Variants in F13A1 observed in about 807,000 individuals in gnomAD.
F13A1 encodes the protein coagulation factor XIII A chain.
A neutral mutation model predicts 80.1 loss-of-function variants in F13A1; 47 were observed. That is an observed-to-expected ratio of 0.59 (90% confidence interval 0.46 to 0.75). F13A1 has a LOEUF of 0.75. F13A1 is among the 30% of genes least tolerant of loss of function. The pLI is 0.00. For missense variants in F13A1, 817 were observed against 930.4 expected, an observed-to-expected ratio of 0.88 and a Z score of 1.59; for synonymous variants, 349 against 344.9, an observed-to-expected ratio of 1.01 and a Z score of -0.13.
chr6:6,146,353 C>T (rs2151066808), intron 14 of F13A1, among the ~76,000 whole-genome samples: 1 of 152,306 alleles, frequency 6.6e-6, no homozygotes, highest in South Asian at 2.1e-4. Context: ...TTTCAACCAC[C>T]AAATTGGGCC....
At chr6:6,302,884 T>A (rs1043298141) in intron 3 of F13A1, among the ~76,000 whole-genome samples, 1 of 152,248 alleles carries the variant, frequency 6.6e-6, no homozygotes, top group Non-Finnish European at 1.5e-5. Flanking sequence ...TGTCAGAGTT[T>A]CCAGTTTTTA....
chr6:6,314,309 G>C (rs1758649667), intron 2 of F13A1, among the ~76,000 whole-genome samples: 1 of 152,038 alleles, frequency 6.6e-6, no homozygotes, highest in Non-Finnish European at 1.5e-5. Context: ...GCATAATTCT[G>C]ATTATGTATT....
chr6:6,271,230 T>C (rs1316672489), intron 3 of F13A1, among the ~76,000 whole-genome samples: 2 of 152,182 alleles, frequency 1.3e-5, no homozygotes, highest in African/African-American at 4.8e-5. Flanking sequence ...TAATTCTGAA[T>C]GTAATGATTT....
intron 8 of F13A1, among the ~76,000 whole-genome samples, chr6:6,208,642 T>C (rs1042014808): frequency 2.6e-5 from 4 of 152,076 alleles, no homozygotes; most frequent in African/African-American, 9.7e-5. Context: ...ATAGAGAATC[T>C]CTTTTTTACT....
Position 6,174,941 on chromosome 6 carries a change from C to T in F13A1, c.1460-74G>A, listed in dbSNP as rs3024444. 0.084 allele frequency: 130,078 copies of T among 1,551,770 alleles called. 5,954 individuals are homozygous for T. Among genetic ancestry groups the T allele is most frequent in the Middle Eastern group, 0.11 (622 of 5,714 alleles). On this transcript the variant is annotated intron_variant, in intron 11 of 14. Transcript: ENST00000264870. ...GAGAAAGTCACATTAATGGATGCACCGTGTACTGCACTTGTTGGGGTGTTT... is the reference window on the plus strand; with the variant it reads ...GAGAAAGTCACATTAATGGATGCACTGTGTACTGCACTTGTTGGGGTGTTT...
chr6:6,185,286 C>A (rs1448752346), intron 10 of F13A1, among the ~76,000 whole-genome samples: 1 of 125,604 alleles, frequency 8.0e-6, no homozygotes, highest in South Asian at 3.2e-4. Flanking sequence ...CCCCCTCCCC[C>A]CACCCCACAA....
At position 6,313,280 on chromosome 6, in the gene F13A1, C is replaced by CTTTTTTTTTTTTTTTTT. The variant is rs5874027; in HGVS notation, c.130+5238_130+5254dup. The stretch of plus-strand genomic sequence containing the variant: ...ATGGAACAGCTCATTGCTAAGCCGC[C>CTTTTTTTTTTTTTTTTT]TTTTTTTTTTTTTTTTTTTTAAATA... On this transcript the variant is annotated intron_variant, in intron 2 of 14. Transcript: ENST00000264870. 5.3e-3 allele frequency among the ~76,000 whole-genome samples: 675 copies of CTTTTTTTTTTTTTTTTT among 126,642 alleles called. 16 individuals carry two copies. The highest frequency in any genetic ancestry group is 0.02 in the African/African-American group (649 of 32,854). 83.1% of individuals were successfully genotyped at this position (126,642 alleles called of 152,430 possible).
intron 3 of F13A1, among the ~76,000 whole-genome samples, chr6:6,297,280 T>C (rs2113168479): frequency 6.6e-6 from 1 of 152,136 alleles, no homozygotes; most frequent in African/African-American, 2.4e-5. Context: ...TTAGGGAGGA[T>C]TCCCTCTTTT....
rs1476808313 is a variant in F13A1, at chr6:6,161,563, A to T, written c.1908+5895T>A. On this transcript the variant is annotated intron_variant, in intron 13 of 14. Coordinates refer to ENST00000264870, the MANE Select transcript of F13A1 (RefSeq NM_000129.4). Reference sequence around the variant, plus strand: ...GTGTGTGTGTGTGTGAGAGAGAGAGAGAGAGAGAGAGAGAGAACAAGCAAC... The same window carrying T: ...GTGTGTGTGTGTGTGAGAGAGAGAGTGAGAGAGAGAGAGAGAACAAGCAAC... 3.8e-4 allele frequency among the ~76,000 whole-genome samples: 45 copies of T among 118,372 alleles called. 1 individual carries two copies. Among genetic ancestry groups the T allele is most frequent in the African/African-American group, 1.2e-3 (35 of 28,146 alleles). The allele number at this position is 118,372 out of a possible 152,430, so 77.7% of individuals were successfully genotyped here.
At chr6:6,259,992 C>T (rs1757756886) in intron 4 of F13A1, among the ~76,000 whole-genome samples, 1 of 152,148 alleles carries the variant, frequency 6.6e-6, no homozygotes, top group Non-Finnish European at 1.5e-5. Flanking sequence ...GAAATACATT[C>T]AATAGTTCAG....
chr6:6,234,929 G>A (rs2113079184), intron 6 of F13A1, among the ~76,000 whole-genome samples: 1 of 151,790 alleles, frequency 6.6e-6, no homozygotes, highest in Non-Finnish European at 1.5e-5. Flanking sequence ...GACACCATTT[G>A]GTATAAATAC....
chr6:6,174,244 G>A (rs569834817), intron 12 of F13A1, among the ~76,000 whole-genome samples: 2 of 152,184 alleles, frequency 1.3e-5, no homozygotes, highest in East Asian at 3.9e-4. Flanking sequence ...ACAAAAATTT[G>A]CCTGGCGTGG....
intron 13 of F13A1, among the ~76,000 whole-genome samples, chr6:6,157,096 C>G (rs1305565144): frequency 6.6e-6 from 1 of 152,236 alleles, no homozygotes; most frequent in Non-Finnish European, 1.5e-5. Flanking sequence ...CGTTGCTCAG[C>G]AACACGTGAT....
At chr6:6,253,797 A>G (rs1757668212) in intron 4 of F13A1, among the ~76,000 whole-genome samples, 1 of 152,244 alleles carries the variant, frequency 6.6e-6, no homozygotes, top group African/African-American at 2.4e-5. Flanking sequence ...AATCTTAGTA[A>G]ATAATAAAGA....
At chr6:6,255,222 T>C (rs1374622000) in intron 4 of F13A1, among the ~76,000 whole-genome samples, 1 of 152,104 alleles carries the variant, frequency 6.6e-6, no homozygotes, top group Non-Finnish European at 1.5e-5. Context: ...ACTTCTTAAT[T>C]TTTTTTAAGT....
intron 14 of F13A1, among the ~76,000 whole-genome samples, chr6:6,147,183 C>G (rs7748376): frequency 0.14 from 20,835 of 152,164 alleles, 1,567 homozygotes; most frequent in Middle Eastern, 0.17. Context: ...GGATAAAAGA[C>G]TACAAAATGG....
chr6:6,165,289 A>G (rs1405621539), intron 13 of F13A1, among the ~76,000 whole-genome samples: 3 of 152,234 alleles, frequency 2.0e-5, no homozygotes, highest in African/African-American at 7.2e-5. Context: ...CTTGTGGGAT[A>G]AGGTATTCTG....
intron 6 of F13A1, among the ~76,000 whole-genome samples, chr6:6,233,879 C>T (rs1757383211): frequency 6.6e-6 from 1 of 152,064 alleles, no homozygotes; most frequent in African/African-American, 2.4e-5. Flanking sequence ...TCAGAAAAAG[C>T]ATTCAACAAA....
chr6:6,289,685 T>A (rs1036874422), intron 3 of F13A1, among the ~76,000 whole-genome samples: 2 of 152,166 alleles, frequency 1.3e-5, no homozygotes, highest in South Asian at 4.1e-4. Flanking sequence ...AAAAATCAGA[T>A]CTTAATACTC....
Sources: gnomAD v4.1 joint callset for allele counts (sites outside exome capture counted in the v4.1 genomes callset) on GRCh38, gnomAD v4.1.1 for gene constraint, MANE v1.5 for transcripts, NCBI Gene and HGNC (gene_info 2026-07-23, HGNC 2026-07-21) for gene names.